ATRNL1: variants seen among roughly 807,000 people sequenced by gnomAD.
ATRNL1 encodes the protein attractin-like protein 1.
Under a neutral mutation model 182.7 loss-of-function variants are expected in ATRNL1, and 95 were observed. The observed-to-expected ratio is 0.52, with a 90% CI of 0.44 to 0.62. ATRNL1 has a LOEUF of 0.62. Ranked by LOEUF, ATRNL1 falls within the 20% of genes least tolerant of loss-of-function variation. ATRNL1 has a pLI of 0.00. For missense variants in ATRNL1, 1,471 were observed against 1,679.5 expected (o/e 0.88, Z 2.17); for synonymous variants, 576 against 568.3 (o/e 1.01, Z -0.19).
intron 5 of ATRNL1, among the ~76,000 whole-genome samples, chr10:115,144,834 T>C (rs2061635321): frequency 6.6e-6 from 1 of 152,192 alleles, no homozygotes; most frequent in Admixed American, 6.5e-5. Flanking sequence ...AGCAGTTTCC[T>C]TTTTAGTAAG....
At chr10:115,940,207 A>G (rs1953685409) in intron 28 of ATRNL1, among the ~76,000 whole-genome samples, 1 of 152,148 alleles carries the variant, frequency 6.6e-6, no homozygotes. Context: ...TAGACAGACT[A>G]ACTAGAAGTG....
At chr10:115,768,019 A>G (rs1555075434) in intron 27 of ATRNL1, among the ~76,000 whole-genome samples, 1 of 152,198 alleles carries the variant, frequency 6.6e-6, no homozygotes, top group African/African-American at 2.4e-5. Context: ...TACTGGTAGT[A>G]AGAATGTTAA....
At chr10:115,679,311 G>T (rs114551814) in intron 26 of ATRNL1, among the ~76,000 whole-genome samples, 2,612 of 151,770 alleles carry the variant, frequency 0.017, 56 homozygotes, top group African/African-American at 0.056. Context: ...TGTTTGGTTG[G>T]TTGGTTGGTT....
intron 28 of ATRNL1, among the ~76,000 whole-genome samples, chr10:115,932,255 G>A (rs782023719): frequency 1.3e-5 from 2 of 152,180 alleles, no homozygotes; most frequent in Non-Finnish European, 2.9e-5. Flanking sequence ...TCCCTGTTTT[G>A]AATTACTGGA....
intron 21 of ATRNL1, among the ~76,000 whole-genome samples, chr10:115,450,550 A>T (rs1054878460): frequency 2.0e-5 from 3 of 152,178 alleles, no homozygotes; most frequent in Non-Finnish European, 2.9e-5. Flanking sequence ...AAAAAGAATA[A>T]AATACCTTAG....
intron 19 of ATRNL1, among the ~76,000 whole-genome samples, chr10:115,382,862 A>G (rs887528849): frequency 1.3e-5 from 2 of 151,780 alleles, no homozygotes; most frequent in Non-Finnish European, 2.9e-5. Flanking sequence ...AAAAATGCCC[A>G]CACTATTTAT....
At chr10:115,667,626 C>T (rs1821040985) in intron 26 of ATRNL1, among the ~76,000 whole-genome samples, 1 of 151,588 alleles carries the variant, frequency 6.6e-6, no homozygotes, top group Admixed American at 6.6e-5. Context: ...TCCAGCATTA[C>T]ATCCACAACA....
At chr10:115,381,892 G>T (rs1010423754) in intron 19 of ATRNL1, among the ~76,000 whole-genome samples, 1 of 151,954 alleles carries the variant, frequency 6.6e-6, no homozygotes, top group South Asian at 2.1e-4. Context: ...ATGTGTAGGA[G>T]TCCAAGTCTA....
chr10:115,147,415 G>T (rs1245287264), intron 5 of ATRNL1, among the ~76,000 whole-genome samples: 1 of 152,098 alleles, frequency 6.6e-6, no homozygotes, highest in Non-Finnish European at 1.5e-5. Context: ...CATCCTGCAG[G>T]TTGTCTTTTC....
intron 24 of ATRNL1, among the ~76,000 whole-genome samples, chr10:115,481,988 G>A (rs4400711): frequency 0.47 from 71,472 of 150,526 alleles, 18,135 homozygotes; most frequent in African/African-American, 0.6. Flanking sequence ...TGATTTGTGA[G>A]CTACTGATAC....
In ATRNL1 at chr10:115,727,305, G is replaced by A; in HGVS notation, c.3853G>A (p.Ala1285Thr). The stretch of plus-strand genomic sequence containing the variant: ...CCGTCCCTTTGCTTCTGTTGATGTA[G>A]CTCTGGAAGTGGGAGCTGAACAAAC... ...ASRPFASVDV[A>T]LEVGAEQTEF... Residue 1285 changes from alanine (A) to threonine (T), a missense_variant, in exon 27 of 29, where the codon GCT (alanine) becomes ACT (threonine). Ala to Thr is a moderately conservative substitution (Grantham distance 58, BLOSUM62 0). Around this residue, in one of 3 missense-constraint regions of ATRNL1, gnomAD observed 437 missense variants for 506.0 expected, o/e 0.86. Transcript: ENST00000355044. 13 of 1,614,132 alleles carry A rather than the reference G, an allele frequency of 8.1e-6. No homozygotes were observed. The highest frequency in any genetic ancestry group is 1.0e-5 in the Non-Finnish European group (12 of 1,180,008).
chr10:115,926,781 CAA>C (rs1219256100), intron 28 of ATRNL1, among the ~76,000 whole-genome samples: 3 of 151,350 alleles, frequency 2.0e-5, no homozygotes, highest in Non-Finnish European at 3.0e-5. Flanking sequence ...GCCTACCAAC[CAA>C]AAAAAAGTCT....
intron 19 of ATRNL1, among the ~76,000 whole-genome samples, chr10:115,350,523 TGA>T (rs1478262247): frequency 1.3e-5 from 2 of 152,054 alleles, no homozygotes; most frequent in Non-Finnish European, 2.9e-5. Flanking sequence ...CACCATTTAT[TGA>T]GAGACTATTC....
chr10:115,798,207 G>A (rs782367546), intron 27 of ATRNL1, among the ~76,000 whole-genome samples: 6 of 152,032 alleles, frequency 3.9e-5, no homozygotes, highest in Admixed American at 6.5e-5. Flanking sequence ...AGGAGCCACC[G>A]CGCCCAGCCT....
chr10:115,151,892 A>C (rs1419672436), intron 5 of ATRNL1, among the ~76,000 whole-genome samples: 3 of 152,148 alleles, frequency 2.0e-5, no homozygotes, highest in Non-Finnish European at 4.4e-5. Flanking sequence ...ATTTTTGTAT[A>C]AGGTGTAAGG....
At chr10:115,373,899 C>T (rs541445126) in intron 19 of ATRNL1, among the ~76,000 whole-genome samples, 1 of 151,906 alleles carries the variant, frequency 6.6e-6, no homozygotes, top group Non-Finnish European at 1.5e-5. Flanking sequence ...AGTTTGGAAA[C>T]ATTTCCTATT....
intron 9 of ATRNL1, among the ~76,000 whole-genome samples, chr10:115,219,463 A>G (rs1408413236): frequency 6.6e-6 from 1 of 152,178 alleles, no homozygotes; most frequent in Non-Finnish European, 1.5e-5. Context: ...CTTTGACCCA[A>G]GCAGTAAAAC....
rs1435858921 is a variant in ATRNL1 at position 115,265,316 on chromosome 10, A to G, written c.1772+39A>G. 4.0e-6 allele frequency: 5 copies of G among 1,242,546 alleles called. No homozygotes were observed. In the African/African-American group the frequency reaches 6.0e-5, roughly 15 times the overall value. The allele number at this position is 1,242,546 out of a possible 1,614,324, so 77.0% of individuals were successfully genotyped here. On this transcript the variant is annotated intron_variant, in intron 11 of 28. Coordinates refer to ENST00000355044, the MANE Select transcript of ATRNL1 (RefSeq NM_207303.4). ...ATTTCCAATTTTTAGAGGGTCACTT[A>G]TATCAGTCATACTATCCTCATATTC...
At chr10:115,765,763 C>G (rs782586974) in intron 27 of ATRNL1, among the ~76,000 whole-genome samples, 24 of 152,124 alleles carry the variant, frequency 1.6e-4, no homozygotes, top group Non-Finnish European at 2.5e-4. Context: ...CAGGTTGTAT[C>G]ATTTTGCATT....
Sources: gnomAD v4.1 joint callset for allele counts (sites outside exome capture counted in the v4.1 genomes callset) on GRCh38, gnomAD v4.1.1 for gene constraint, gnomAD v4.1.1 regional missense constraint, MANE v1.5 for transcripts, NCBI Gene and HGNC (gene_info 2026-07-23, HGNC 2026-07-21) for gene names.